The following WWOX variants were observed in gnomAD, a reference collection of about 807,000 sequenced individuals.
WWOX encodes the protein WW domain-containing oxidoreductase.
A neutral mutation model predicts 46.2 loss-of-function variants in WWOX; 69 were observed. The observed-to-expected ratio is 1.49, with a 90% CI of 1.23 to 1.82. The LOEUF is 1.82. Ranked by LOEUF, WWOX falls within the 40% of genes most tolerant of loss-of-function variation. The probability of loss-of-function intolerance (pLI) is 0.00; values close to 1 mark genes in which losing one functional copy is unlikely to be tolerated. For missense variants in WWOX, 919 were observed against 542.6 expected (o/e 1.69, Z -6.89); for synonymous variants, 359 against 202.6 (o/e 1.77, Z -6.56).
At chr16:78,971,470 A>T (rs2046468662) in intron 8 of WWOX, among the ~76,000 whole-genome samples, 1 of 147,050 alleles carries the variant, frequency 6.8e-6, no homozygotes, top group African/African-American at 2.5e-5. Flanking sequence ...AAAAAAAAAA[A>T]AAAAGAGAGA....
At chr16:78,596,014 C>A (rs898774725) in intron 8 of WWOX, among the ~76,000 whole-genome samples, 2 of 152,096 alleles carry the variant, frequency 1.3e-5, no homozygotes, top group Non-Finnish European at 2.9e-5. Flanking sequence ...GGGAAAAATA[C>A]TAAATGGTAG....
intron 8 of WWOX, among the ~76,000 whole-genome samples, chr16:78,571,588 G>C (rs1004585466): frequency 3.9e-5 from 6 of 152,158 alleles, no homozygotes; most frequent in African/African-American, 9.7e-5. Flanking sequence ...GTTGCAGTTG[G>C]CTGGGTGCAG....
At chr16:78,697,935 G>C (rs191923313) in intron 8 of WWOX, among the ~76,000 whole-genome samples, 1,736 of 152,200 alleles carry the variant, frequency 0.011, 26 homozygotes, top group African/African-American at 0.04. Context: ...CTACCTGTAA[G>C]CAAGAATCAC....
chr16:78,353,943 T>G (rs1390792127), intron 5 of WWOX, among the ~76,000 whole-genome samples: 2 of 152,242 alleles, frequency 1.3e-5, no homozygotes, highest in African/African-American at 4.8e-5. Context: ...AGTGAACATC[T>G]GTCTAATTGT....
intron 5 of WWOX, among the ~76,000 whole-genome samples, chr16:78,341,944 C>T (rs1190951843): frequency 9.6e-6 from 1 of 104,416 alleles, no homozygotes; most frequent in Non-Finnish European, 2.2e-5. Flanking sequence ...AGCAAGACCT[C>T]ATCTCTACTT....
intron 8 of WWOX, among the ~76,000 whole-genome samples, chr16:78,865,060 G>T (rs995650044): frequency 6.6e-6 from 1 of 151,930 alleles, no homozygotes; most frequent in African/African-American, 2.4e-5. Flanking sequence ...ACCGCGCCTG[G>T]CTTTCAAATT....
At chr16:78,703,501 A>G (rs991795020) in intron 8 of WWOX, among the ~76,000 whole-genome samples, 1 of 151,948 alleles carries the variant, frequency 6.6e-6, no homozygotes, top group Non-Finnish European at 1.5e-5. Flanking sequence ...CTGTAGCTCC[A>G]GCTACTCAGA....
intron 8 of WWOX, among the ~76,000 whole-genome samples, chr16:79,034,520 C>A (rs1464026461): frequency 2.0e-5 from 3 of 152,162 alleles, no homozygotes; most frequent in Non-Finnish European, 4.4e-5. Context: ...TATTTTGCCC[C>A]CTCACCGAAT....
intron 8 of WWOX, among the ~76,000 whole-genome samples, chr16:78,855,323 C>G (rs538859991): frequency 6.6e-6 from 1 of 151,988 alleles, no homozygotes; most frequent in Non-Finnish European, 1.5e-5. Flanking sequence ...ATGTTCTTAT[C>G]ATAATAAATC....
intron 8 of WWOX, among the ~76,000 whole-genome samples, chr16:78,457,888 C>G (rs1274683538): frequency 7.1e-6 from 1 of 140,356 alleles, no homozygotes; most frequent in Non-Finnish European, 1.5e-5. Context: ...TGCACTCCAG[C>G]CTGAGCGTGA....
intron 8 of WWOX, among the ~76,000 whole-genome samples, chr16:79,055,210 C>T (rs961464728): frequency 1.3e-5 from 2 of 152,168 alleles, no homozygotes; most frequent in African/African-American, 4.8e-5. Context: ...AGGACACTTG[C>T]TGTTTTCTGT....
At chr16:78,972,073 C>T (rs184790062) in intron 8 of WWOX, among the ~76,000 whole-genome samples, 2 of 152,134 alleles carry the variant, frequency 1.3e-5, no homozygotes, top group African/African-American at 2.4e-5. Flanking sequence ...AAGGTCTCCC[C>T]GTATACCCAG....
chr16:78,544,992 A>G (rs907999008), intron 8 of WWOX, among the ~76,000 whole-genome samples: 1 of 152,236 alleles, frequency 6.6e-6, no homozygotes, highest in Non-Finnish European at 1.5e-5. Flanking sequence ...GCCTGGGCAC[A>G]TAGTGAGACA....
At chr16:78,206,232 G>T (rs1168808148) in intron 5 of WWOX, among the ~76,000 whole-genome samples, 1 of 152,060 alleles carries the variant, frequency 6.6e-6, no homozygotes, top group East Asian at 1.9e-4. Context: ...ATTGGTGGTG[G>T]AATATCAATC....
intron 8 of WWOX, among the ~76,000 whole-genome samples, chr16:78,939,713 A>C (rs570625473): frequency 5.3e-5 from 8 of 152,356 alleles, no homozygotes; most frequent in African/African-American, 1.9e-4. Flanking sequence ...TAGGTACCCA[A>C]GTCTACTGGG....
chr16:78,770,276 G>A (rs902648872), intron 8 of WWOX, among the ~76,000 whole-genome samples: 8 of 152,050 alleles, frequency 5.3e-5, no homozygotes, highest in Non-Finnish European at 1.0e-4. Context: ...ACTTGAATCC[G>A]GGAGCCAGCG....
At position 78,432,743 on chromosome 16, in the gene WWOX, C is replaced by A. The variant is rs940453353; in HGVS notation, c.1047C>A (p.Thr349=). ...TLLFTLARPF[T]KSMQQGAATT... Reference sequence around the variant, plus strand: ...TGTTTACCTTGGCGAGGCCTTTCACCAAGTCCATGGTAAGAGAACAGCTTC... The same window carrying A: ...TGTTTACCTTGGCGAGGCCTTTCACAAAGTCCATGGTAAGAGAACAGCTTC... The change falls in exon 8 of 9, where the codon ACC becomes ACA. Residue 349 remains threonine (T), a synonymous_variant. Coordinates refer to ENST00000566780, the MANE Select transcript of WWOX (RefSeq NM_016373.4). 4 of 1,614,168 alleles carry A rather than the reference C, an allele frequency of 2.5e-6. No individual in the cohort carries two copies. The African/African-American group carries it at 4.0e-5, about 16-fold the overall frequency.
rs542613267 is a variant in WWOX, at chr16:78,494,729, C to T, written c.1056+61977C>T. Among the ~76,000 whole-genome samples the T allele has an allele frequency of 2.8e-4, 42 of 152,242 alleles. No individual in the cohort carries two copies. In the South Asian group the frequency reaches 7.9e-3, roughly 29 times the overall value. On this transcript the variant is annotated intron_variant, in intron 8 of 8. Coordinates refer to ENST00000566780, the MANE Select transcript of WWOX (RefSeq NM_016373.4). Reference sequence around the variant, plus strand: ...ATAAATTTAAGGCTTGGTCATCGGTCCTTGAGTCAGCACATTGAGCGTTTT... The same window carrying T: ...ATAAATTTAAGGCTTGGTCATCGGTTCTTGAGTCAGCACATTGAGCGTTTT...
chr16:78,214,417 G>A (rs2036654059), intron 5 of WWOX, among the ~76,000 whole-genome samples: 1 of 152,150 alleles, frequency 6.6e-6, no homozygotes, highest in African/African-American at 2.4e-5. Flanking sequence ...ACAGTGGCTG[G>A]CATTCTGTGC....
Sources: gnomAD v4.1 joint callset for allele counts (sites outside exome capture counted in the v4.1 genomes callset) on GRCh38, gnomAD v4.1.1 for gene constraint, MANE v1.5 for transcripts, NCBI Gene and HGNC (gene_info 2026-07-23, HGNC 2026-07-21) for gene names.